HNF4A: variants seen among roughly 807,000 people sequenced by gnomAD.
HNF4A encodes hepatocyte nuclear factor 4 alpha.
In HNF4A, 15 loss-of-function variants were observed where a neutral mutation model predicts 52.4. That is an observed-to-expected ratio of 0.29 (90% CI 0.19 to 0.44). HNF4A has a LOEUF of 0.44. Among genes scored for constraint, HNF4A ranks in the 20% least tolerant of loss-of-function variants. HNF4A has a pLI of 1.00. For synonymous variants in HNF4A, 280 were observed against 264.4 expected (o/e 1.06, Z -0.57); for missense variants, 479 against 647.2 (o/e 0.74, Z 2.82).
In HNF4A at chr20:44,429,686, G is replaced by A; in HGVS notation, c.*21G>A. 1.2e-6 allele frequency: 2 copies of A among 1,613,418 alleles called. No individual in the cohort carries two copies. Among genetic ancestry groups the A allele is most frequent in the Non-Finnish European group, 1.7e-6 (2 of 1,179,500 alleles). On this transcript the variant is annotated 3_prime_UTR_variant, in exon 10 of 10. Coordinates refer to ENST00000316099, the MANE Select transcript of HNF4A (RefSeq NM_000457.6). The stretch of plus-strand genomic sequence containing the variant: ...TCTAGCAAGCCGCTGGGGCTTGGGG[G>A]CTCCACTGGCTCCCCCCAGCCCCCT...
At chr20:44,369,385 A>G (rs1257076584) in intron 1 of HNF4A, among the ~76,000 whole-genome samples, 1 of 151,728 alleles carries the variant, frequency 6.6e-6, no homozygotes, top group Non-Finnish European at 1.5e-5. Context: ...AACAAACATC[A>G]TGCCACTGCA....
chr20:44,387,787 G>T (rs1356470935), intron 1 of HNF4A, among the ~76,000 whole-genome samples: 1 of 151,824 alleles, frequency 6.6e-6, no homozygotes, highest in Non-Finnish European at 1.5e-5. Context: ...CATAAGGTTG[G>T]CTGGGGTGGA....
intron 1 of HNF4A, chr20:44,372,864 CA>C (rs2063048056): frequency 6.6e-6 from 1 of 152,142 alleles, no homozygotes; most frequent in Admixed American, 6.6e-5. Context: ...GGAATCTTGG[CA>C]ATGATGAAGA....
At chr20:44,401,220 C>T, upstream of HNF4A, 2 of 1,519,226 alleles carry the variant, frequency 1.3e-6, no homozygotes. Context: ...TTCACAGAGG[C>T]TAGGCCAAGA....
At chr20:44,417,135 AT>A (rs1328492650) in intron 5 of HNF4A, among the ~76,000 whole-genome samples, 3 of 144,436 alleles carry the variant, frequency 2.1e-5, no homozygotes, top group African/African-American at 7.7e-5. Flanking sequence ...AGAATGAACA[AT>A]CAAATTAATG....
At chr20:44,382,294 G>A (rs990667345) in intron 1 of HNF4A, among the ~76,000 whole-genome samples, 5 of 150,340 alleles carry the variant, frequency 3.3e-5, no homozygotes, top group East Asian at 2.0e-4. Flanking sequence ...GCTAGAGTGC[G>A]GTGGCGAGAT....
At chr20:44,369,262 A>C (rs972822955) in intron 1 of HNF4A, among the ~76,000 whole-genome samples, 1 of 147,618 alleles carries the variant, frequency 6.8e-6, no homozygotes, top group Admixed American at 6.8e-5. Context: ...AAAAAAAAAA[A>C]AAAAAAAAAA....
At chr20:44,390,254 G>A (rs374133790) in intron 1 of HNF4A, among the ~76,000 whole-genome samples, 1 of 152,202 alleles carries the variant, frequency 6.6e-6, no homozygotes, top group Non-Finnish European at 1.5e-5. Context: ...GGCTCTCCCT[G>A]TGAATATGGC....
chr20:44,415,885 C>A (rs1043622647), intron 5 of HNF4A, among the ~76,000 whole-genome samples: 1 of 152,122 alleles, frequency 6.6e-6, no homozygotes, highest in Non-Finnish European at 1.5e-5. Context: ...TTGGACAATC[C>A]GCCCCTACCC....
rs543631521 is a variant in HNF4A, at chr20:44,405,526, G to T, written c.116-532G>T. ...GCAGTAGCTTTTGCCTGTGGGATGG[G>T]AGGGATGGGAGATGTGTCCAGACCC... is the stretch of plus-strand genomic sequence containing the variant. On this transcript the variant is annotated intron_variant, in intron 1 of 9. Coordinates refer to ENST00000316099, the MANE Select transcript of HNF4A (RefSeq NM_000457.6). 2.6e-4 allele frequency among the ~76,000 whole-genome samples: 39 copies of T among 151,838 alleles called. No individual in the cohort carries two copies. In the East Asian group the frequency reaches 7.4e-3, roughly 29 times the overall value.
At position 44,385,059 on chromosome 20, in the gene HNF4A, C is replaced by CTTTTTTTTTTTTTTTTTT. The variant is rs775721024; in HGVS notation, c.50-20988_50-20971dup. Among the ~76,000 whole-genome samples the CTTTTTTTTTTTTTTTTTT allele has an allele frequency of 3.9e-3, 135 of 34,986 alleles. 27 individuals carry two copies. Among genetic ancestry groups the CTTTTTTTTTTTTTTTTTT allele is most frequent in the East Asian group, 9.0e-3 (4 of 442 alleles). 23.0% of individuals were successfully genotyped at this position (34,986 alleles called of 152,430 possible). The stretch of plus-strand genomic sequence containing the variant: ...AGTGGTTTCAGCTGAACTCTGTGAT[C>CTTTTTTTTTTTTTTTTTT]TTTTTTTTTTTTTTTTTTTTTTTTT... On this transcript the variant is annotated intron_variant, in intron 1 of 9. Transcript: ENST00000316673.
At chr20:44,410,043 G>A (rs895921040) in intron 3 of HNF4A, among the ~76,000 whole-genome samples, 1 of 152,178 alleles carries the variant, frequency 6.6e-6, no homozygotes, top group Non-Finnish European at 1.5e-5. Flanking sequence ...CACCATATTG[G>A]CCAGGCTGGT....
At chr20:44,423,964 A>T in intron 7 of HNF4A, 54 bp from the exon 8 acceptor site, 1 of 1,576,206 alleles carries the variant, frequency 6.3e-7, no homozygotes, top group African/African-American at 1.3e-5. Flanking sequence ...TTGACTCCCC[A>T]GATGCTCCAG....
chr20:44,420,623 TA>T (rs1224957007), intron 7 of HNF4A, among the ~76,000 whole-genome samples: 1 of 151,276 alleles, frequency 6.6e-6, no homozygotes, highest in Admixed American at 6.6e-5. Flanking sequence ...CTATAGAAAC[TA>T]AAAAAAATTA....
intron 7 of HNF4A, among the ~76,000 whole-genome samples, chr20:44,423,062 A>T (rs1875266006): frequency 6.6e-6 from 1 of 152,172 alleles, no homozygotes; most frequent in African/African-American, 2.4e-5. Context: ...CACGCCTGTA[A>T]TCCCAACATT....
intron 1 of HNF4A, among the ~76,000 whole-genome samples, chr20:44,393,702 G>A (rs192149813): frequency 9.4e-4 from 143 of 152,158 alleles, no homozygotes; most frequent in Non-Finnish European, 1.7e-3. Context: ...ATATCCAGTG[G>A]CCATGATGAT....
rs2063894172 is a variant in HNF4A, at chr20:44,432,807, A to C, written c.*3142A>C. 1 of 152,162 alleles carries C rather than the reference A, an allele frequency of 6.6e-6. No individual in the cohort carries two copies. Among genetic ancestry groups the C allele is most frequent in the African/African-American group, 2.4e-5 (1 of 41,450 alleles). The allele number at this position is 152,162 out of a possible 1,614,324, so 9.4% of individuals were successfully genotyped here. ...TCTTACTCTTCTGTGTTTTAACAAA[A>C]GTTTATAAAACAAAATAAATGGCGC... On this transcript the variant is annotated 3_prime_UTR_variant, in exon 10 of 10. Coordinates refer to ENST00000316099, the MANE Select transcript of HNF4A (RefSeq NM_000457.6).
chr20:44,427,989 G>A (rs933908420), intron 8 of HNF4A, among the ~76,000 whole-genome samples: 1 of 152,180 alleles, frequency 6.6e-6, no homozygotes, highest in Non-Finnish European at 1.5e-5. Flanking sequence ...TGAAGGACTT[G>A]CACTCCAAGG....
Position 44,366,592 on chromosome 20 carries a change from A to G in HNF4A, c.49+10739A>G, listed in dbSNP as rs182875854. On this transcript the variant is annotated intron_variant, in intron 1 of 9. Transcript: ENST00000316673. ...GCCAAGATCACGCCACTGTACTCCA[A>G]CCTGGGCAACAGAGCGAGATCCTGT... Among the ~76,000 whole-genome samples, 14 of 152,206 alleles carry G rather than the reference A, an allele frequency of 9.2e-5. No homozygotes were observed. In the East Asian group the frequency reaches 2.7e-3, roughly 29 times the overall value.
Sources: gnomAD v4.1 joint callset for allele counts (sites outside exome capture counted in the v4.1 genomes callset) on GRCh38, gnomAD v4.1.1 for gene constraint, MANE v1.5 for transcripts, NCBI Gene and HGNC (gene_info 2026-07-23, HGNC 2026-07-21) for gene names.